HPSE2: variants seen among roughly 807,000 people sequenced by gnomAD.
HPSE2 encodes heparanase 2 (inactive).
In HPSE2, 38 loss-of-function variants were observed where a neutral mutation model predicts 60.5. The ratio of observed to expected loss-of-function variants is 0.63; its 90% CI spans 0.48 to 0.82. The LOEUF is 0.82. HPSE2 is among the 40% of genes least tolerant of loss of function. HPSE2 has a pLI of 0.00. For missense variants in HPSE2, 713 were observed against 740.4 expected (o/e 0.96, Z 0.43); for synonymous variants, 295 against 293.2 (o/e 1.01, Z -0.06).
At chr10:99,302,939 T>C in the HPSE2 span, among the ~76,000 whole-genome samples, 1 of 151,406 alleles carries the variant, frequency 6.6e-6, no homozygotes, top group Non-Finnish European at 1.5e-5. Context: ...TGCTAGTATT[T>C]ATAGACACTT....
intron 3 of HPSE2, among the ~76,000 whole-genome samples, chr10:98,770,658 T>C (rs2785217): frequency 0.81 from 123,822 of 152,104 alleles, 50,886 homozygotes; most frequent in African/African-American, 0.9. Context: ...CGCCTCCCCT[T>C]CCCCCAACCA....
chr10:99,160,898 CAAAAAAAAAAAA>C (rs60506210), intron 2 of HPSE2, among the ~76,000 whole-genome samples: 1 of 55,424 alleles, frequency 1.8e-5, no homozygotes, highest in African/African-American at 8.3e-5. Flanking sequence ...GACTCCGTCT[CAAAAAAAAAAAA>C]AAAAAAAAAA....
the HPSE2 span, among the ~76,000 whole-genome samples, chr10:99,248,441 T>C: frequency 6.6e-6 from 1 of 152,206 alleles, no homozygotes; most frequent in African/African-American, 2.4e-5. Context: ...GGAAGAAGTT[T>C]CTAAGCAGCA....
At chr10:98,977,456 C>A (rs1956110229) in intron 3 of HPSE2, among the ~76,000 whole-genome samples, 1 of 152,116 alleles carries the variant, frequency 6.6e-6, no homozygotes, top group African/African-American at 2.4e-5. Context: ...ACCACAAAGA[C>A]AACAAATATG....
chr10:98,898,298 T>G (rs544547294), intron 3 of HPSE2, among the ~76,000 whole-genome samples: 1 of 152,160 alleles, frequency 6.6e-6, no homozygotes, highest in Non-Finnish European at 1.5e-5. Flanking sequence ...AGCATCTTTA[T>G]TTATAATTGC....
chr10:99,120,233 TAAAC>T (rs1844892705), intron 3 of HPSE2, among the ~76,000 whole-genome samples: 3 of 152,004 alleles, frequency 2.0e-5, no homozygotes, highest in African/African-American at 7.2e-5. Context: ...ATAAGGAACT[TAAAC>T]AAATTTACGA....
the HPSE2 span, among the ~76,000 whole-genome samples, chr10:99,304,667 G>C: frequency 0.88 from 133,811 of 152,278 alleles, 59,028 homozygotes; most frequent in African/African-American, 0.95. Context: ...CATAGGTGAT[G>C]TAAGGGTCTA....
intron 3 of HPSE2, among the ~76,000 whole-genome samples, chr10:99,098,590 C>T (rs914350575): frequency 1.3e-5 from 2 of 152,144 alleles, no homozygotes; most frequent in Non-Finnish European, 2.9e-5. Context: ...TTACCTGAAT[C>T]ATTAAAATGC....
chr10:98,660,585 G>T (rs1326374140), intron 6 of HPSE2, among the ~76,000 whole-genome samples: 3 of 152,236 alleles, frequency 2.0e-5, no homozygotes, highest in African/African-American at 7.2e-5. Flanking sequence ...GCTGGCAAGG[G>T]AGCCCATTTG....
intron 4 of HPSE2, among the ~76,000 whole-genome samples, chr10:98,724,354 T>C (rs571841640): frequency 2.0e-5 from 3 of 152,328 alleles, no homozygotes; most frequent in East Asian, 1.9e-4. Flanking sequence ...TTCTGTTCTT[T>C]GACATTTGCT....
At chr10:98,704,330 G>A (rs551107339) in intron 5 of HPSE2, among the ~76,000 whole-genome samples, 1 of 152,102 alleles carries the variant, frequency 6.6e-6, no homozygotes, top group South Asian at 2.1e-4. Context: ...TGGCCACACT[G>A]CCCAAAGTAA....
At chr10:98,662,053 C>A (rs930486719) in intron 6 of HPSE2, among the ~76,000 whole-genome samples, 6 of 152,130 alleles carry the variant, frequency 3.9e-5, no homozygotes, top group Non-Finnish European at 2.9e-5. Context: ...TGCCACCATG[C>A]CCGGCTAATT....
chr10:99,143,632 A>C (rs1845944694), intron 3 of HPSE2, among the ~76,000 whole-genome samples: 1 of 152,194 alleles, frequency 6.6e-6, no homozygotes, highest in Non-Finnish European at 1.5e-5. Flanking sequence ...AAGCCTGACA[A>C]AACCATGCAG....
At chr10:98,509,700 C>T (rs1043867411) in intron 9 of HPSE2, among the ~76,000 whole-genome samples, 1 of 152,058 alleles carries the variant, frequency 6.6e-6, no homozygotes, top group Non-Finnish European at 1.5e-5. Context: ...TGGGGTTTCA[C>T]CATCTTGGCC....
At chr10:98,842,881 G>A (rs1951949495) in intron 3 of HPSE2, among the ~76,000 whole-genome samples, 1 of 149,276 alleles carries the variant, frequency 6.7e-6, no homozygotes, top group Admixed American at 6.6e-5. Context: ...CCTAACCCTT[G>A]GCAACCACTG....
chr10:98,655,416 A>C (rs771027082), intron 6 of HPSE2, among the ~76,000 whole-genome samples: 1 of 152,176 alleles, frequency 6.6e-6, no homozygotes, highest in Non-Finnish European at 1.5e-5. Flanking sequence ...ATTACCACTT[A>C]AGTGCTGATA....
chr10:98,480,572 G>A (rs568903579), intron 11 of HPSE2, among the ~76,000 whole-genome samples: 4 of 152,300 alleles, frequency 2.6e-5, no homozygotes, highest in African/African-American at 9.6e-5. Flanking sequence ...CTTGGAGGCA[G>A]GGACGTAGGG....
chr10:99,008,501 T>C (rs1485674342), intron 3 of HPSE2, among the ~76,000 whole-genome samples: 2 of 152,192 alleles, frequency 1.3e-5, no homozygotes, highest in Non-Finnish European at 2.9e-5. Context: ...AAATACAAGA[T>C]TGACAGGTAA....
chr10:99,006,749 G>A (rs1047552814), intron 3 of HPSE2, among the ~76,000 whole-genome samples: 1 of 152,214 alleles, frequency 6.6e-6, no homozygotes, highest in Non-Finnish European at 1.5e-5. Flanking sequence ...CTGAAACCCA[G>A]GGCCATTGAG....
Sources: allele counts gnomAD v4.1 joint callset (sites outside exome capture counted in the v4.1 genomes callset), GRCh38; gene constraint gnomAD v4.1.1; transcripts MANE v1.5; gene names NCBI Gene and HGNC (gene_info 2026-07-23, HGNC 2026-07-21).